Variants in PTCH2 observed in about 807,000 individuals in gnomAD.
PTCH2 encodes the protein protein patched homolog 2.
PTCH2 carries 96 observed loss-of-function variants against 117.9 expected under a neutral mutation model. The ratio of observed to expected loss-of-function variants is 0.81; its 90% CI spans 0.69 to 0.96. The LOEUF is 0.96. Among genes scored for constraint, PTCH2 ranks in the 50% least tolerant of loss-of-function variants. The pLI, the probability that PTCH2 is intolerant of heterozygous loss-of-function variation, is 0.00. For synonymous variants in PTCH2, 615 were observed against 660.9 expected (o/e 0.93, Z 1.06); for missense variants, 1,379 against 1,562.5 (o/e 0.88, Z 1.98).
At chr1:44,842,336 G>C (rs915173157) in intron 1 of PTCH2, among the ~76,000 whole-genome samples, 1 of 147,646 alleles carries the variant, frequency 6.8e-6, no homozygotes, top group Non-Finnish European at 1.5e-5. Context: ...CTGGAGTGCA[G>C]TGGTGTGATC....
At chr1:44,836,067 G>C (rs1291692124) in intron 2 of PTCH2, among the ~76,000 whole-genome samples, 1 of 152,180 alleles carries the variant, frequency 6.6e-6, no homozygotes, top group Non-Finnish European at 1.5e-5. Flanking sequence ...AGGTGAGGCT[G>C]TCAGCACCTT....
rs969125265 is a variant in PTCH2 at position 44,826,970 on chromosome 1, G to C, written c.2627C>G (p.Ala876Gly). 8 of 1,613,930 alleles carry C rather than the reference G, an allele frequency of 5.0e-6. No homozygotes were observed. The highest frequency in any genetic ancestry group is 6.8e-6 in the Non-Finnish European group (8 of 1,180,028). The change falls in exon 17 of 22, where the codon GCC (alanine) becomes GGC (glycine). Residue 876 changes from alanine to glycine, a missense_variant. Coordinates refer to ENST00000372192, the MANE Select transcript of PTCH2 (RefSeq NM_003738.5). The surrounding 1 kb of genome is among the most constrained non-coding windows in gnomAD (Gnocchi z 5.1). ...SDPLGLAASQ[A>G]NFYPPPPEWL... is the part of the protein sequence containing the mutation. ...TTCAGGAGGTGGGGGGTAGAAGTTG[G>C]CCTGTGAGGCTGCCAGACCCAGGGG... is the stretch of plus-strand genomic sequence containing the variant.
Position 44,831,676 on chromosome 1 carries a change from A to T in PTCH2, c.617+30T>A. The T allele has an allele frequency of 1.3e-6, 2 of 1,529,180 alleles. No homozygotes were observed. The highest frequency in any genetic ancestry group is 1.7e-4 in the Middle Eastern group (1 of 5,968). 94.7% of individuals were successfully genotyped at this position (1,529,180 alleles called of 1,614,324 possible). On this transcript the variant is annotated intron_variant, in intron 5 of 21. Coordinates refer to ENST00000372192, the MANE Select transcript of PTCH2 (RefSeq NM_003738.5). The surrounding 1 kb of genome is among the most constrained non-coding windows in gnomAD (Gnocchi z 4.3). ...CTGCTGGGAGAGTCCCCAGCGGGAG[A>T]TGAAGCAGGGCCCCAGGAGTGGCAC...
In PTCH2 at chr1:44,822,180, C is replaced by T; in HGVS notation, c.*235G>A. On this transcript the variant is annotated 3_prime_UTR_variant, in exon 22 of 22. Coordinates refer to ENST00000372192, the MANE Select transcript of PTCH2 (RefSeq NM_003738.5). ...AGGGGGACAGGGCTGCACTGCAGCC[C>T]CAAGTGCCAGCTTTCACTCTCAAGT... is the stretch of plus-strand genomic sequence containing the variant. The T allele has an allele frequency of 7.0e-7, 1 of 1,434,254 alleles. No individual in the cohort carries two copies. Among genetic ancestry groups the T allele is most frequent in the African/African-American group, 1.4e-5 (1 of 69,742 alleles). 88.8% of individuals were successfully genotyped at this position (1,434,254 alleles called of 1,614,324 possible).
In PTCH2 at chr1:44,829,298, A is replaced by C. The variant is rs144033029; in HGVS notation, c.1230T>G (p.Cys410Trp). 1.9e-6 allele frequency: 3 copies of C among 1,613,602 alleles called. No homozygotes were observed. Among genetic ancestry groups the C allele is most frequent in the African/African-American group, 2.7e-5 (2 of 74,934 alleles). ...CGCAGTCCCACCGCAGCATGGTCACACAGGCATAGGCCAGCTGTGGGGGGA... is the reference window on the plus strand; with the variant it reads ...CGCAGTCCCACCGCAGCATGGTCACCCAGGCATAGGCCAGCTGTGGGGGGA... ...GGYLLMLAYA[C>W]VTMLRWDCAQ... Residue 410 changes from cysteine to tryptophan, a missense_variant, in exon 10 of 22, where the codon TGT (cysteine) becomes TGG (tryptophan). Transcript: ENST00000372192.
chr1:44,827,013 C>G lies in PTCH2; in HGVS notation c.2584G>C (p.Val862Leu), dbSNP rs371160711. ...CCCAGGGGGTCACTGCTCACCCACA[C>G]GGTCAGCCCCATGTAGAAGAGCTCG... ...PPELFYMGLTVWVSSDPLGLA... is the reference protein window; with the variant it reads ...PPELFYMGLTLWVSSDPLGLA... Residue 862 changes from valine to leucine, a missense_variant, in exon 17 of 22, where the codon GTG becomes CTG. Coordinates refer to ENST00000372192, the MANE Select transcript of PTCH2 (RefSeq NM_003738.5). 6.2e-7 allele frequency: 1 copy of G among 1,614,086 alleles called. No homozygotes were observed. The highest frequency in any genetic ancestry group is 2.2e-5 in the East Asian group (1 of 44,874).
rs2148876178 is a variant in PTCH2 at position 44,828,286 on chromosome 1, C to T, written c.1709+10G>A. 1.2e-6 allele frequency: 2 copies of T among 1,613,774 alleles called. No homozygotes were observed. The highest frequency in any genetic ancestry group is 2.2e-5 in the South Asian group (2 of 91,082). On this transcript the variant is annotated intron_variant, in intron 13 of 21. Coordinates refer to ENST00000372192, the MANE Select transcript of PTCH2 (RefSeq NM_003738.5). ...GTCACGGGAGGAAGGGGCTGGGGCG[C>T]AGGCAGTACCTGGAGAAGCAGCAGA...
intron 2 of PTCH2, among the ~76,000 whole-genome samples, chr1:44,832,772 G>A (rs934322936): frequency 2.6e-5 from 4 of 152,174 alleles, no homozygotes; most frequent in East Asian, 1.9e-4. Context: ...GGAGGCTGCT[G>A]CTAGGAGGGT....
Position 44,821,967 on chromosome 1 carries a change from T to C in PTCH2, c.*448A>G. 1.5e-6 allele frequency: 2 copies of C among 1,312,748 alleles called. No individual in the cohort carries two copies. The highest frequency in any genetic ancestry group is 2.0e-6 in the Non-Finnish European group (2 of 998,160). The allele number at this position is 1,312,748 out of a possible 1,614,324, so 81.3% of individuals were successfully genotyped here. On this transcript the variant is annotated 3_prime_UTR_variant, in exon 22 of 22. Transcript: ENST00000372192. The stretch of plus-strand genomic sequence containing the variant: ...TTCACATAGAATATATTTCATTCTT[T>C]AAAAAATAAAACTTTCATCATAGCT...
At position 44,822,607 on chromosome 1, in the gene PTCH2, C is replaced by T. The variant is rs1455334116; in HGVS notation, c.3420G>A (p.Gly1140=). Residue 1140 remains glycine (G), a synonymous_variant, in exon 22 of 22, where the codon GGG becomes GGA. Coordinates refer to ENST00000372192, the MANE Select transcript of PTCH2 (RefSeq NM_003738.5). The part of the protein sequence containing the change: ...ILSPPAPQGG[G]LRWGASSSLP... ...GGGAGGAGGATGCCCCCCACCTAAGCCCGCCTCCCTGTGGAGCTGGTGGAC... is the reference window on the plus strand; with the variant it reads ...GGGAGGAGGATGCCCCCCACCTAAGTCCGCCTCCCTGTGGAGCTGGTGGAC... 3 of 1,614,042 alleles carry T rather than the reference C, an allele frequency of 1.9e-6. No homozygotes were observed. Among genetic ancestry groups the T allele is most frequent in the Non-Finnish European group, 2.5e-6 (3 of 1,179,984 alleles).
intron 2 of PTCH2, 97 bp from the exon 3 acceptor site, chr1:44,832,438 G>T: frequency 7.7e-7 from 1 of 1,299,080 alleles, no homozygotes; most frequent in Non-Finnish European, 1.1e-6. Context: ...CCAGACAAGT[G>T]GGAGAGGTGC....
At position 44,826,529 on chromosome 1, in the gene PTCH2, A is replaced by G. The variant is rs1653152029; in HGVS notation, c.2935T>C (p.Cys979Arg). 6.2e-7 allele frequency: 1 copy of G among 1,613,846 alleles called. No homozygotes were observed. The highest frequency in any genetic ancestry group is 8.5e-7 in the Non-Finnish European group (1 of 1,180,014). Residue 979 changes from cysteine to arginine, a missense_variant, in exon 18 of 22, where the codon TGT (cysteine) becomes CGT (arginine). Cys to Arg is a radical substitution (Grantham distance 180). Coordinates refer to ENST00000372192, the MANE Select transcript of PTCH2 (RefSeq NM_003738.5). The surrounding 1 kb of genome is among the most constrained non-coding windows in gnomAD (Gnocchi z 5.1). ...CILLVCTFLV[C>R]ALLLLNPWTA... is the part of the protein sequence containing the mutation. ...CAGGGGTTGAGGAGCAGCAGAGCAC[A>G]GACGAGGAAAGTGCACACCAGCAGG...
Position 44,831,827 on chromosome 1 carries a change from C to T in PTCH2, c.526-30G>A, listed in dbSNP as rs766408960. 10 of 1,607,492 alleles carry T rather than the reference C, an allele frequency of 6.2e-6. No homozygotes were observed. Among genetic ancestry groups the T allele is most frequent in the Non-Finnish European group, 7.7e-6 (9 of 1,174,560 alleles). On this transcript the variant is annotated intron_variant, in intron 4 of 21. Transcript: ENST00000372192. The surrounding 1 kb of genome is among the most constrained non-coding windows in gnomAD (Gnocchi z 4.3). ...CAGGGATACCCCGGGCCACGTCAGT[C>T]CTGCCCCACAACCTTTGTAGGATGC...
intron 19 of PTCH2, among the ~76,000 whole-genome samples, chr1:44,825,788 A>G (rs1272682973): frequency 3.3e-5 from 5 of 151,300 alleles, no homozygotes; most frequent in African/African-American, 9.7e-5. Flanking sequence ...TGGCCTCCCA[A>G]AATGCCCCAG....
chr1:44,840,078 G>C (rs1243299260), intron 2 of PTCH2, among the ~76,000 whole-genome samples: 1 of 147,868 alleles, frequency 6.8e-6, no homozygotes, highest in African/African-American at 2.7e-5. Flanking sequence ...CCAGCCCTCA[G>C]GAAAGAAGAG....
At position 44,829,243 on chromosome 1, in the gene PTCH2, C is replaced by A. The variant is rs772212841; in HGVS notation, c.1285G>T (p.Gly429Trp). The change falls in exon 10 of 22, where the codon GGG becomes TGG. Residue 429 changes from glycine (G) to tryptophan (W), a missense_variant. Coordinates refer to ENST00000372192, the MANE Select transcript of PTCH2 (RefSeq NM_003738.5). ...ACCGCCAGGGCCACCAGCAGTACCC[C>A]GGCAAGGCCCACGGAACCCTGGGAC... is the stretch of plus-strand genomic sequence containing the variant. ...AQSQGSVGLA[G>W]VLLVALAVAS... is the part of the protein sequence containing the mutation. 25 of 1,613,422 alleles carry A rather than the reference C, an allele frequency of 1.5e-5. No homozygotes were observed. The highest frequency in any genetic ancestry group is 2.0e-5 in the Non-Finnish European group (24 of 1,180,028).
At position 44,829,771 on chromosome 1, in the gene PTCH2, G is replaced by T; in HGVS notation, c.936-10C>A. 6.2e-7 allele frequency: 1 copy of T among 1,614,210 alleles called. No individual in the cohort carries two copies. Among genetic ancestry groups the T allele is most frequent in the Non-Finnish European group, 8.5e-7 (1 of 1,180,028 alleles). ...CTGCAGGGCCTCTGCCCTGGTGGGG[G>T]TGTGGGAGAACCAGGGGTCAGAGCT... On this transcript the variant is annotated splice_polypyrimidine_tract_variant and intron_variant, in intron 7 of 21. Transcript: ENST00000372192.
In PTCH2 at chr1:44,822,396, C is replaced by G; in HGVS notation, c.*19G>C. On this transcript the variant is annotated 3_prime_UTR_variant, in exon 22 of 22. Transcript: ENST00000372192. The stretch of plus-strand genomic sequence containing the variant: ...ACCCCACACGCCCCACACATGGTCT[C>G]TGTGCTTCAGCTGCTCTTTCACCCA... The G allele has an allele frequency of 6.2e-7, 1 of 1,613,406 alleles. No homozygotes were observed. Among genetic ancestry groups the G allele is most frequent in the Non-Finnish European group, 8.5e-7 (1 of 1,180,030 alleles).
Position 44,826,993 on chromosome 1 carries a change from G to C in PTCH2, c.2604C>G (p.Pro868=). The change falls in exon 17 of 22, where the codon CCC becomes CCG. Residue 868 remains proline, a synonymous_variant. Transcript: ENST00000372192. The surrounding 1 kb of genome is among the most constrained non-coding windows in gnomAD (Gnocchi z 5.1). The part of the protein sequence containing the change: ...MGLTVWVSSD[P]LGLAASQANF... ...TGGCCTGTGAGGCTGCCAGACCCAG[G>C]GGGTCACTGCTCACCCACACGGTCA... 1 of 1,614,092 alleles carries C rather than the reference G, an allele frequency of 6.2e-7. No individual in the cohort carries two copies.
Sources: gnomAD v4.1 joint callset for allele counts (sites outside exome capture counted in the v4.1 genomes callset) on GRCh38, gnomAD v4.1.1 for gene constraint, Gnocchi (gnomAD v3.1) non-coding constraint, MANE v1.5 for transcripts, NCBI Gene and HGNC (gene_info 2026-07-23, HGNC 2026-07-21) for gene names.